NSD1: variants seen among roughly 807,000 people sequenced by gnomAD.
NSD1 encodes histone-lysine N-methyltransferase, H3 lysine-36 specific.
NSD1 carries 26 observed loss-of-function variants against 242.7 expected under a neutral mutation model. The observed-to-expected ratio is 0.11, with a 90% confidence interval of 0.08 to 0.15. The LOEUF is 0.15. Among genes scored for constraint, NSD1 ranks in the 10% least tolerant of loss-of-function variants. The pLI, the probability that NSD1 is intolerant of heterozygous loss-of-function variation, is 1.00. For synonymous variants in NSD1, 1,106 were observed against 1,178.1 expected, an observed-to-expected ratio of 0.94 and a Z score of 1.25; for missense variants, 2,495 against 3,272.8, an observed-to-expected ratio of 0.76 and a Z score of 5.80.
At chr5:177,185,593 T>C (rs1287495766) in intron 2 of NSD1, among the ~76,000 whole-genome samples, 1 of 146,424 alleles carries the variant, frequency 6.8e-6, no homozygotes, top group Non-Finnish European at 1.5e-5. Context: ...AGCGAGACTG[T>C]CTCAAAAAAA....
At chr5:177,220,863 G>A (rs562257420) in intron 5 of NSD1, among the ~76,000 whole-genome samples, 6 of 151,730 alleles carry the variant, frequency 4.0e-5, no homozygotes, top group Non-Finnish European at 8.8e-5. Context: ...GAGCCACTGT[G>A]GTCGGCCTCT....
At position 177,280,550 on chromosome 5, in the gene NSD1, G is replaced by C. The variant is rs1009506449; in HGVS notation, c.5623-15G>C. 3.1e-6 allele frequency: 5 copies of C among 1,614,212 alleles called. No homozygotes were observed. In the East Asian group the frequency reaches 1.1e-4, roughly 36 times the overall value. ...TGACTTGTTTTATGCGGTGTACTTTGTGTTACTTTTCCAGGTAAACCGTCC... is the reference window on the plus strand; with the variant it reads ...TGACTTGTTTTATGCGGTGTACTTTCTGTTACTTTTCCAGGTAAACCGTCC... On this transcript the variant is annotated splice_polypyrimidine_tract_variant and intron_variant, in intron 17 of 22. Coordinates refer to ENST00000439151, the MANE Select transcript of NSD1 (RefSeq NM_022455.5).
chr5:177,180,288 G>A (rs1256763032), intron 2 of NSD1, among the ~76,000 whole-genome samples: 1 of 151,830 alleles, frequency 6.6e-6, no homozygotes, highest in Non-Finnish European at 1.5e-5. Flanking sequence ...GTAAAGACAG[G>A]GTTTCAGCAT....
intron 2 of NSD1, among the ~76,000 whole-genome samples, chr5:177,162,559 G>A (rs1758846729): frequency 6.6e-6 from 1 of 152,052 alleles, no homozygotes; most frequent in Non-Finnish European, 1.5e-5. Context: ...CCATGCTTTT[G>A]TAGAGACAGG....
At chr5:177,254,133 A>G (rs1255982969) in intron 12 of NSD1, among the ~76,000 whole-genome samples, 1 of 151,838 alleles carries the variant, frequency 6.6e-6, no homozygotes, top group Non-Finnish European at 1.5e-5. Flanking sequence ...TTTTTAGTGG[A>G]GACGGGGTTT....
chr5:177,201,468 T>G (rs1290341875), intron 3 of NSD1, among the ~76,000 whole-genome samples: 1 of 152,162 alleles, frequency 6.6e-6, no homozygotes, highest in Non-Finnish European at 1.5e-5. Context: ...TTTATGATAG[T>G]GTTTAGAACT....
At chr5:177,152,773 T>C (rs1757834041) in intron 2 of NSD1, among the ~76,000 whole-genome samples, 2 of 151,766 alleles carry the variant, frequency 1.3e-5, no homozygotes, top group Non-Finnish European at 2.9e-5. Context: ...CATTTCTTTT[T>C]TTTTTTTGGC....
intron 3 of NSD1, among the ~76,000 whole-genome samples, chr5:177,192,504 C>T (rs1156750235): frequency 1.3e-5 from 2 of 152,038 alleles, no homozygotes; most frequent in African/African-American, 2.4e-5. Context: ...TCAAGCAATT[C>T]TTCTGGCTCA....
At chr5:177,142,705 A>G (rs1202117485) in intron 2 of NSD1, among the ~76,000 whole-genome samples, 1 of 152,158 alleles carries the variant, frequency 6.6e-6, no homozygotes, top group Non-Finnish European at 1.5e-5. Flanking sequence ...TTTCTATGAC[A>G]TCTTTATTGT....
intron 5 of NSD1, among the ~76,000 whole-genome samples, chr5:177,234,631 G>A (rs1765303448): frequency 1.3e-5 from 2 of 152,128 alleles, no homozygotes; most frequent in African/African-American, 2.4e-5. Context: ...CAGTAGAATC[G>A]CTTGATCCTG....
chr5:177,145,538 A>G (rs1057318275), intron 2 of NSD1, among the ~76,000 whole-genome samples: 2 of 152,154 alleles, frequency 1.3e-5, no homozygotes, highest in Non-Finnish European at 2.9e-5. Flanking sequence ...CCTACTCTGC[A>G]TGAGCCACCT....
rs912514240 is a variant in NSD1 at position 177,134,663 on chromosome 5, G to T, written c.-17-424G>T. On this transcript the variant is annotated intron_variant, in intron 1 of 22. Transcript: ENST00000439151. This position sits in a 1 kb window ranked among gnomAD's most constrained non-coding sequence, Gnocchi z 4.2. ...GCTGCGCCCTAGCGAGCCAGGAAGG[G>T]GGGGGTACCTTTTTGTGCAGGGTCC... Among the ~76,000 whole-genome samples, 22 of 152,206 alleles carry T rather than the reference G, an allele frequency of 1.4e-4. No homozygotes were observed. Among genetic ancestry groups the T allele is most frequent in the Non-Finnish European group, 2.4e-4 (16 of 68,028 alleles).
At chr5:177,213,827 T>C (rs904623063) in intron 5 of NSD1, among the ~76,000 whole-genome samples, 1 of 152,240 alleles carries the variant, frequency 6.6e-6, no homozygotes, top group Non-Finnish European at 1.5e-5. Context: ...TTCATAGAAA[T>C]GGAATCATAC....
chr5:177,206,626 A>G (rs561315844), intron 4 of NSD1, among the ~76,000 whole-genome samples: 3 of 152,302 alleles, frequency 2.0e-5, no homozygotes, highest in African/African-American at 4.8e-5. Context: ...ATGACATACA[A>G]TTGATGCTTT....
chr5:177,261,506 A>G (rs1392594758), intron 14 of NSD1, among the ~76,000 whole-genome samples: 1 of 151,878 alleles, frequency 6.6e-6, no homozygotes, highest in Non-Finnish European at 1.5e-5. Context: ...AGATTTTAGC[A>G]CTCATCACCA....
chr5:177,154,906 G>C (rs1040860078), intron 2 of NSD1, among the ~76,000 whole-genome samples: 1 of 151,874 alleles, frequency 6.6e-6, no homozygotes, highest in Admixed American at 6.6e-5. Flanking sequence ...ATGTTGGCCA[G>C]GCTGGTCTCG....
intron 14 of NSD1, chr5:177,265,621 G>C: frequency 6.5e-7 from 1 of 1,541,628 alleles, no homozygotes; most frequent in Non-Finnish European, 9.0e-7. Flanking sequence ...GATGGCCCCT[G>C]AAATCTAGGT....
chr5:177,217,666 C>CT (rs543853335), intron 5 of NSD1, among the ~76,000 whole-genome samples: 10,794 of 106,230 alleles, frequency 0.1, 1,736 homozygotes, highest in African/African-American at 0.34. Context: ...GCGTCACATT[C>CT]TTTTTTTTTT....
At position 177,269,044 on chromosome 5, in the gene NSD1, G is replaced by A. The variant is rs536728081; in HGVS notation, c.5304-558G>A. Among the ~76,000 whole-genome samples the A allele has an allele frequency of 1.7e-3, 255 of 152,212 alleles. No homozygotes were observed. Among genetic ancestry groups the A allele is most frequent in the African/African-American group, 6.0e-3 (249 of 41,532 alleles). ...CTCTGGAGTAAAGTAGGTAGATAGA[G>A]GTTTCCAGCTTTAATAGGTAGTGCC... On this transcript the variant is annotated intron_variant, in intron 15 of 22. Coordinates refer to ENST00000439151, the MANE Select transcript of NSD1 (RefSeq NM_022455.5). The surrounding 1 kb of genome is among the most constrained non-coding windows in gnomAD (Gnocchi z 5.1).
Sources: allele counts gnomAD v4.1 joint callset (sites outside exome capture counted in the v4.1 genomes callset), GRCh38; gene constraint gnomAD v4.1.1; non-coding constraint Gnocchi (gnomAD v3.1); transcripts MANE v1.5; gene names NCBI Gene and HGNC (gene_info 2026-07-23, HGNC 2026-07-21).